Variants in MAST1 observed in about 807,000 individuals in gnomAD.
The protein encoded by MAST1 is microtubule-associated serine/threonine-protein kinase 1.
A neutral mutation model predicts 124.6 loss-of-function variants in MAST1; 40 were observed. The observed-to-expected ratio is 0.32, with a 90% CI of 0.25 to 0.42. The LOEUF (loss-of-function observed/expected upper bound fraction) is 0.42, where lower values mean the gene tolerates loss of function less well. MAST1 is among the 10% of genes least tolerant of loss of function. The probability of loss-of-function intolerance (pLI) is 1.00; values close to 1 mark genes in which losing one functional copy is unlikely to be tolerated. For missense variants in MAST1, 1,558 were observed against 2,181.9 expected (o/e 0.71, Z 5.70); for synonymous variants, 938 against 939.4 (o/e 1.00, Z 0.03).
intron 1 of MAST1, among the ~76,000 whole-genome samples, chr19:12,840,145 G>A (rs1969807918): frequency 6.6e-6 from 1 of 152,322 alleles, no homozygotes; most frequent in South Asian, 2.1e-4. Context: ...CATAGACTGA[G>A]ACACGCTCAG....
chr19:12,869,687 C>T (rs774204520), intron 22 of MAST1, among the ~76,000 whole-genome samples: 1 of 151,952 alleles, frequency 6.6e-6, no homozygotes, highest in African/African-American at 2.4e-5. Context: ...TCACCCACCT[C>T]GGCCTCTCAA....
In MAST1 at chr19:12,838,628, G is replaced by A; in HGVS notation, c.56G>A (p.Gly19Asp). 6.2e-7 allele frequency: 1 copy of A among 1,610,090 alleles called. No individual in the cohort carries two copies. Among genetic ancestry groups the A allele is most frequent in the Admixed American group, 1.7e-5 (1 of 59,812 alleles). Residue 19 changes from glycine to aspartate, a missense_variant, in exon 1 of 26, where the codon GGC becomes GAC. Physicochemically the swap from Gly to Asp is moderately conservative, Grantham distance 94. Around this residue, in one of 10 missense-constraint regions of MAST1, gnomAD observed 42 missense variants for 54.6 expected, o/e 0.77. Coordinates refer to ENST00000251472, the MANE Select transcript of MAST1 (RefSeq NM_014975.3). The surrounding 1 kb of genome is among the most constrained non-coding windows in gnomAD (Gnocchi z 4.3). ...LSNFSMPSFP[G>D]GSMFRRTKSC... The stretch of plus-strand genomic sequence containing the variant: ...AATTTCTCGATGCCCTCCTTCCCCG[G>A]CGGCAGTATGTTCCGCCGCACCAAG...
chr19:12,873,155 C>T, intron 24 of MAST1, 169 bp from the exon 25 acceptor site: 1 of 643,366 alleles, frequency 1.6e-6, no homozygotes, highest in Non-Finnish European at 2.7e-6. Context: ...GTGGGAGGAG[C>T]CAAGCAGCAC....
In MAST1 at chr19:12,843,933, A is replaced by G. The variant is rs1005171419; in HGVS notation, c.327+326A>G. 2.0e-5 allele frequency among the ~76,000 whole-genome samples: 3 copies of G among 152,122 alleles called. No homozygotes were observed. In the East Asian group the frequency reaches 5.8e-4, roughly 29 times the overall value. ...GGAGGATCGCTGGAGTCTGGGAGGT[A>G]TAGGCTACAGTTGAGCTGAGATCGC... On this transcript the variant is annotated intron_variant, in intron 4 of 25. Transcript: ENST00000251472. This position sits in a 1 kb window ranked among gnomAD's most constrained non-coding sequence, Gnocchi z 4.9.
rs1969859564 is a variant in MAST1, at chr19:12,843,844, A to G, written c.327+237A>G. 6.6e-6 allele frequency among the ~76,000 whole-genome samples: 1 copy of G among 152,086 alleles called. No homozygotes were observed. Among genetic ancestry groups the G allele is most frequent in the Non-Finnish European group, 1.5e-5 (1 of 67,996 alleles). On this transcript the variant is annotated intron_variant, in intron 4 of 25. Transcript: ENST00000251472. The surrounding 1 kb of genome is among the most constrained non-coding windows in gnomAD (Gnocchi z 4.9). The stretch of plus-strand genomic sequence containing the variant: ...AGGGAGACCCTTGTCCCTACAAAAA[A>G]TTAAAAATTATCTGGGCGTGGTGGT...
chr19:12,850,885 A>G (rs1250265412), intron 7 of MAST1, among the ~76,000 whole-genome samples: 1 of 151,782 alleles, frequency 6.6e-6, no homozygotes, highest in Non-Finnish European at 1.5e-5. Flanking sequence ...ATTTTGGCTT[A>G]TGATAGATTT....
At chr19:12,854,266 G>A (rs989601103) in intron 10 of MAST1, among the ~76,000 whole-genome samples, 1 of 151,808 alleles carries the variant, frequency 6.6e-6, no homozygotes, top group Non-Finnish European at 1.5e-5. Context: ...TGGGATTATA[G>A]GCATGCGCCA....
rs1436287079 is a variant in MAST1 at position 12,870,916 on chromosome 19, G to C, written c.3096G>C (p.Val1032=). The C allele has an allele frequency of 3.7e-6, 6 of 1,614,044 alleles. No individual in the cohort carries two copies. Among genetic ancestry groups the C allele is most frequent in the Non-Finnish European group, 5.1e-6 (6 of 1,179,988 alleles). Residue 1032 remains valine, a synonymous_variant, in exon 23 of 26, where the codon GTG becomes GTC. Transcript: ENST00000251472. ...HVNGEPVHGM[V]HPEVVELILK... ...ATGGGGAGCCTGTGCATGGCATGGT[G>C]CATCCTGAGGTCGTGGAGCTGATCC...
Position 12,843,628 on chromosome 19 carries a change from G to T in MAST1, c.327+21G>T. The T allele has an allele frequency of 6.2e-7, 1 of 1,607,144 alleles. No individual in the cohort carries two copies. Among genetic ancestry groups the T allele is most frequent in the Non-Finnish European group, 8.5e-7 (1 of 1,175,666 alleles). ...TCTCGGTGAGTGTGGAAAGTAGGTG[G>T]GTGGGCCGGTGGGTAAGGAATTCAG... On this transcript the variant is annotated intron_variant, in intron 4 of 25. Coordinates refer to ENST00000251472, the MANE Select transcript of MAST1 (RefSeq NM_014975.3). This position sits in a 1 kb window ranked among gnomAD's most constrained non-coding sequence, Gnocchi z 4.9.
chr19:12,864,317 C>T (rs1404502525), intron 12 of MAST1, among the ~76,000 whole-genome samples: 1 of 150,688 alleles, frequency 6.6e-6, no homozygotes, highest in Non-Finnish European at 1.5e-5. Flanking sequence ...ATTGCTTGAG[C>T]TGGGAGGTTG....
intron 10 of MAST1, among the ~76,000 whole-genome samples, chr19:12,854,507 G>A (rs1969998303): frequency 6.6e-6 from 1 of 152,136 alleles, no homozygotes; most frequent in Admixed American, 6.6e-5. Flanking sequence ...ACGTTTCTGA[G>A]GTTTATCCAT....
intron 9 of MAST1, 22 bp downstream of exon 9, chr19:12,852,269 G>A (rs759958051): frequency 6.2e-7 from 1 of 1,614,020 alleles, no homozygotes; most frequent in South Asian, 1.1e-5. Context: ...TGGGCGCAGG[G>A]GGACTGGGGG....
Position 12,865,721 on chromosome 19 carries a change from C to T in MAST1, c.1809C>T (p.Asp603=). The change falls in exon 16 of 26, where the codon GAC becomes GAT. Residue 603 remains aspartate, a synonymous_variant. Transcript: ENST00000251472. The surrounding 1 kb of genome is among the most constrained non-coding windows in gnomAD (Gnocchi z 7.1). ...AAGTTCCGTTTTGTTTTGCAGATGACATCCTGTGGCCCGAGGGGGATGAGG... is the reference window on the plus strand; with the variant it reads ...AAGTTCCGTTTTGTTTTGCAGATGATATCCTGTGGCCCGAGGGGGATGAGG... The part of the protein sequence containing the change: ...EELFGQVISD[D]ILWPEGDEAL... 1 of 1,608,938 alleles carries T rather than the reference C, an allele frequency of 6.2e-7. No homozygotes were observed.
intron 1 of MAST1, among the ~76,000 whole-genome samples, chr19:12,839,481 A>T (rs1002885339): frequency 1.3e-5 from 2 of 152,232 alleles, no homozygotes; most frequent in Non-Finnish European, 2.9e-5. Flanking sequence ...TATCTCACAT[A>T]CTATGTCACA....
Position 12,865,211 on chromosome 19 carries a change from G to C in MAST1, c.1638+33G>C, listed in dbSNP as rs371438347. 6.2e-7 allele frequency: 1 copy of C among 1,608,426 alleles called. No homozygotes were observed. Among genetic ancestry groups the C allele is most frequent in the Admixed American group, 1.7e-5 (1 of 59,632 alleles). On this transcript the variant is annotated intron_variant, in intron 14 of 25. Transcript: ENST00000251472. The surrounding 1 kb of genome is among the most constrained non-coding windows in gnomAD (Gnocchi z 7.1). Reference sequence around the variant, plus strand: ...TGCGGGCATGGGGGTCGCTGAGGGTGGAGTGACCCTGCAGGACCTCGGGAA... The same window carrying C: ...TGCGGGCATGGGGGTCGCTGAGGGTCGAGTGACCCTGCAGGACCTCGGGAA...
chr19:12,874,101 C>T lies in MAST1; in HGVS notation c.3944C>T (p.Pro1315Leu). ...HSLAESDGET[P>L]PVEGLGAPRQ... is the part of the protein sequence containing the mutation. Reference sequence around the variant, plus strand: ...CTTGCCGAGTCCGACGGTGAGACGCCCCCAGTCGAGGGCCTTGGCGCGCCC... The same window carrying T: ...CTTGCCGAGTCCGACGGTGAGACGCTCCCAGTCGAGGGCCTTGGCGCGCCC... Residue 1315 changes from proline to leucine, a missense_variant, in exon 26 of 26, where the codon CCC becomes CTC. Physicochemically the swap from Pro to Leu is moderately conservative, Grantham distance 98 (BLOSUM62 -3). Around this residue, in one of 10 missense-constraint regions of MAST1, gnomAD observed 263 missense variants for 310.9 expected, o/e 0.85. Coordinates refer to ENST00000251472, the MANE Select transcript of MAST1 (RefSeq NM_014975.3). The surrounding 1 kb of genome is among the most constrained non-coding windows in gnomAD (Gnocchi z 6.6). 6.4e-7 allele frequency: 1 copy of T among 1,558,592 alleles called. No individual in the cohort carries two copies. Among genetic ancestry groups the T allele is most frequent in the East Asian group, 2.3e-5 (1 of 42,576 alleles).
In MAST1 at chr19:12,857,694, G is replaced by A. The variant is rs143585483; in HGVS notation, c.1078-668G>A. The stretch of plus-strand genomic sequence containing the variant: ...TCCAAAGTGCTGTGATTACAGGCGT[G>A]AGCCACCGCTCCAGGCCCGAATCTT... On this transcript the variant is annotated intron_variant, in intron 10 of 25. Coordinates refer to ENST00000251472, the MANE Select transcript of MAST1 (RefSeq NM_014975.3). Among the ~76,000 whole-genome samples the A allele has an allele frequency of 8.9e-3, 1,351 of 152,252 alleles. 24 individuals are homozygous for A. The highest frequency in any genetic ancestry group is 0.03 in the African/African-American group (1,235 of 41,552).
At chr19:12,840,621 AG>A in intron 2 of MAST1, 87 bp downstream of exon 2, 1 of 990,862 alleles carries the variant, frequency 1.0e-6, no homozygotes, top group South Asian at 1.4e-5. Flanking sequence ...ATGCTACAGA[AG>A]GGGCGCAGTT....
intron 7 of MAST1, chr19:12,848,263 C>A: frequency 1.7e-6 from 1 of 581,402 alleles, no homozygotes; most frequent in South Asian, 2.0e-5. Flanking sequence ...GCTCATTTCC[C>A]TTAGGTCTTT....
Sources: gnomAD v4.1 joint callset for allele counts (sites outside exome capture counted in the v4.1 genomes callset) on GRCh38, gnomAD v4.1.1 for gene constraint, gnomAD v4.1.1 regional missense constraint, Gnocchi (gnomAD v3.1) non-coding constraint, MANE v1.5 for transcripts, NCBI Gene and HGNC (gene_info 2026-07-23, HGNC 2026-07-21) for gene names.